The following PTCRA variants were observed in gnomAD, a reference collection of about 807,000 sequenced individuals.
PTCRA encodes the protein pre T-cell antigen receptor alpha.
Under a neutral mutation model 13.4 loss-of-function variants are expected in PTCRA, and 9 were observed. The observed-to-expected ratio is 0.67, with a 90% CI of 0.41 to 1.18. The LOEUF is 1.18. Ranked by LOEUF, PTCRA falls within the 50% of genes most tolerant of loss-of-function variation. The probability of loss-of-function intolerance (pLI) is 0.01; values close to 1 mark genes in which losing one functional copy is unlikely to be tolerated. For synonymous variants in PTCRA, 153 were observed against 161.9 expected (o/e 0.94, Z 0.42); for missense variants, 353 against 359.8 (o/e 0.98, Z 0.15).
chr6:42,923,443 A>C (rs182936055), intron 2 of PTCRA, 96 bp downstream of exon 2: 260 of 1,223,850 alleles, frequency 2.1e-4, no homozygotes, highest in Non-Finnish European at 2.9e-4. Context: ...CCACAAAGGC[A>C]TGAAGGGTGT....
chr6:42,925,798 T>C lies in PTCRA; in HGVS notation c.*116T>C. 1.7e-6 allele frequency: 1 copy of C among 587,566 alleles called. No individual in the cohort carries two copies. The highest frequency in any genetic ancestry group is 2.9e-6 in the Non-Finnish European group (1 of 348,772). 36.4% of individuals were successfully genotyped at this position (587,566 alleles called of 1,614,324 possible). A position where few individuals can be genotyped will look rare whatever the true frequency, so the allele number is the denominator to read the frequency against. On this transcript the variant is annotated 3_prime_UTR_variant, in exon 4 of 4. Transcript: ENST00000304672. The surrounding 1 kb of genome is among the most constrained non-coding windows in gnomAD (Gnocchi z 4.4). Reference sequence around the variant, plus strand: ...GTTACAGGGGCATTTAGGGAGCAGATGACTGAGAACATTAAAAAAGAACTT... The same window carrying C: ...GTTACAGGGGCATTTAGGGAGCAGACGACTGAGAACATTAAAAAAGAACTT...
Position 42,925,380 on chromosome 6 carries a change from C to T in PTCRA, c.544C>T (p.Pro182Ser). ...CGACCCCGCGGGCCCGCTGCCTTCC[C>T]CCGCAACCACCACCCGCCTGCGAGC... Reference protein sequence around the residue: ...LCDPAGPLPSPATTTRLRALG... With the variant: ...LCDPAGPLPSSATTTRLRALG... Residue 182 changes from proline to serine, a missense_variant, in exon 4 of 4, where the codon CCC (proline) becomes TCC (serine). By Grantham distance (74) the Pro-to-Ser change is moderately conservative. Transcript: ENST00000304672. The surrounding 1 kb of genome is among the most constrained non-coding windows in gnomAD (Gnocchi z 4.4). 5.8e-6 allele frequency: 9 copies of T among 1,555,008 alleles called. No homozygotes were observed. Among genetic ancestry groups the T allele is most frequent in the Non-Finnish European group, 7.8e-6 (9 of 1,149,388 alleles).
chr6:42,920,423 CTTTTAT>C (rs1241776652), intron 1 of PTCRA, among the ~76,000 whole-genome samples: 2 of 151,496 alleles, frequency 1.3e-5, no homozygotes, highest in Admixed American at 6.6e-5. Context: ...TTAGTTCTTT[CTTTTAT>C]TTTTATTTTT....
In PTCRA at chr6:42,925,704, G is replaced by A. The variant is rs1011238630; in HGVS notation, c.*22G>A. ...CTGAGGGCAGGGCTCTACCTCCCCT[G>A]CGTCACACTGTGTGAGGCTGTGTCT... On this transcript the variant is annotated 3_prime_UTR_variant, in exon 4 of 4. Coordinates refer to ENST00000304672, the MANE Select transcript of PTCRA (RefSeq NM_138296.3). The surrounding 1 kb of genome is among the most constrained non-coding windows in gnomAD (Gnocchi z 4.4). 2 of 1,470,970 alleles carry A rather than the reference G, an allele frequency of 1.4e-6. No homozygotes were observed. The highest frequency in any genetic ancestry group is 1.8e-6 in the Non-Finnish European group (2 of 1,096,056). 91.1% of individuals were successfully genotyped at this position (1,470,970 alleles called of 1,614,324 possible).
intron 1 of PTCRA, among the ~76,000 whole-genome samples, chr6:42,917,469 G>T (rs925139374): frequency 1.0e-4 from 15 of 147,368 alleles, no homozygotes; most frequent in Non-Finnish European, 1.8e-4. Context: ...TGATCCGCCC[G>T]CCTCAGCCTC....
chr6:42,920,014 C>T (rs1035782879), intron 1 of PTCRA, among the ~76,000 whole-genome samples: 1 of 148,436 alleles, frequency 6.7e-6, no homozygotes, highest in African/African-American at 2.6e-5. Flanking sequence ...AGAGCTAGAC[C>T]CTGTCTCAAA....
chr6:42,923,438 A>G (rs929782008), intron 2 of PTCRA, 91 bp downstream of exon 2: 26 of 1,259,662 alleles, frequency 2.1e-5, no homozygotes, highest in Middle Eastern at 2.6e-4. Flanking sequence ...CCAGGCCACA[A>G]AGGCATGAAG....
Position 42,923,178 on chromosome 6 carries a change from A to C in PTCRA, c.210A>C (p.Ala70=). 1.2e-6 allele frequency: 2 copies of C among 1,614,224 alleles called. No individual in the cohort carries two copies. Among genetic ancestry groups the C allele is most frequent in the Non-Finnish European group, 1.7e-6 (2 of 1,180,030 alleles). The change falls in exon 2 of 4, where the codon GCA becomes GCC. Residue 70 remains alanine, a synonymous_variant. Coordinates refer to ENST00000304672, the MANE Select transcript of PTCRA (RefSeq NM_138296.3). The part of the protein sequence containing the change: ...PIWFSAGNGS[A]LDAFTYGPSP... ...GGTTCTCAGCCGGCAATGGCAGTGC[A>C]CTGGATGCCTTCACCTATGGCCCTT...
At chr6:42,917,948 AAAC>A (rs1766957362) in intron 1 of PTCRA, among the ~76,000 whole-genome samples, 1 of 152,230 alleles carries the variant, frequency 6.6e-6, no homozygotes, top group East Asian at 1.9e-4. Flanking sequence ...AAACAAAACA[AAAC>A]AAACAAAAAG....
At chr6:42,924,158 T>C (rs1213871630) in intron 2 of PTCRA, 71 bp from the exon 3 acceptor site, 1 of 1,360,898 alleles carries the variant, frequency 7.3e-7, no homozygotes, top group East Asian at 2.4e-5. Context: ...GGCCTGGGCA[T>C]AGCACTGGGG....
At position 42,922,387 on chromosome 6, in the gene PTCRA, A is replaced by G; in HGVS notation, c.59-640A>G. ...TGGAACAGAAAGGGGCTCGGATATC[A>G]TAGACAAGTGGATGGAAGGAGAGGT... On this transcript the variant is annotated intron_variant, in intron 1 of 3. Coordinates refer to ENST00000304672, the MANE Select transcript of PTCRA (RefSeq NM_138296.3). 4 of 617,938 alleles carry G rather than the reference A, an allele frequency of 6.5e-6. No individual in the cohort carries two copies. The South Asian group carries it at 7.5e-5, about 12-fold the overall frequency. 38.3% of individuals were successfully genotyped at this position (617,938 alleles called of 1,614,324 possible).
At chr6:42,922,512 G>A (rs1472270969) in intron 1 of PTCRA, among the ~76,000 whole-genome samples, 16 of 152,128 alleles carry the variant, frequency 1.1e-4, no homozygotes, top group Admixed American at 9.2e-4. Context: ...ACTTTGGGAG[G>A]ACGAGGCGGG....
chr6:42,924,457 A>C (rs1767330820), intron 3 of PTCRA, 184 bp downstream of exon 3: 2 of 652,110 alleles, frequency 3.1e-6, no homozygotes, highest in Admixed American at 5.8e-5. Context: ...CTAGCATAAG[A>C]TGGGGGTGAA....
chr6:42,921,668 G>A (rs1440333313), intron 1 of PTCRA, among the ~76,000 whole-genome samples: 3 of 146,922 alleles, frequency 2.0e-5, no homozygotes, highest in Non-Finnish European at 4.5e-5. Flanking sequence ...TGCCCACCTT[G>A]GCCTCCCGAA....
At chr6:42,918,917 G>A (rs539804670) in intron 1 of PTCRA, among the ~76,000 whole-genome samples, 20 of 151,638 alleles carry the variant, frequency 1.3e-4, no homozygotes, top group African/African-American at 4.8e-4. Flanking sequence ...AGCCTCCCGA[G>A]TAGCTGGGAC....
At position 42,921,412 on chromosome 6, in the gene PTCRA, C is replaced by CT. The variant is rs59029514; in HGVS notation, c.59-1591dup. On this transcript the variant is annotated intron_variant, in intron 1 of 3. Transcript: ENST00000304672. ...CCACCGCACCCAGCCAACAAAGCTT[C>CT]TTTTTTTTTTTTTTTTTTTTTTTTG... Among the ~76,000 whole-genome samples the CT allele has an allele frequency of 8.7e-3, 741 of 85,644 alleles. 14 individuals carry two copies. The highest frequency in any genetic ancestry group is 0.02 in the African/African-American group (366 of 18,080). 56.2% of individuals were successfully genotyped at this position (85,644 alleles called of 152,430 possible).
chr6:42,920,019 C>A (rs1171334904), intron 1 of PTCRA, among the ~76,000 whole-genome samples: 1 of 148,094 alleles, frequency 6.8e-6, no homozygotes, highest in East Asian at 2.0e-4. Flanking sequence ...TAGACCCTGT[C>A]TCAAAAAATA....
In PTCRA at chr6:42,925,126, C is replaced by A; in HGVS notation, c.425-135C>A. On this transcript the variant is annotated intron_variant, in intron 3 of 3. Coordinates refer to ENST00000304672, the MANE Select transcript of PTCRA (RefSeq NM_138296.3). The surrounding 1 kb of genome is among the most constrained non-coding windows in gnomAD (Gnocchi z 4.4). ...ATTACCAGTAAGAACGGAGGCTAGA[C>A]ACCGGGAAGGACTTTCCCTGGAGGA... is the stretch of plus-strand genomic sequence containing the variant. 1 of 1,175,898 alleles carries A rather than the reference C, an allele frequency of 8.5e-7. No individual in the cohort carries two copies. 72.8% of individuals were successfully genotyped at this position (1,175,898 alleles called of 1,614,324 possible).
chr6:42,919,157 G>A (rs957412681), intron 1 of PTCRA, among the ~76,000 whole-genome samples: 1 of 151,580 alleles, frequency 6.6e-6, no homozygotes, highest in African/African-American at 2.4e-5. Flanking sequence ...CACCACGCCC[G>A]GCTAATTTTT....
Sources: gnomAD v4.1 joint callset for allele counts (sites outside exome capture counted in the v4.1 genomes callset) on GRCh38, gnomAD v4.1.1 for gene constraint, Gnocchi (gnomAD v3.1) non-coding constraint, MANE v1.5 for transcripts, NCBI Gene and HGNC (gene_info 2026-07-23, HGNC 2026-07-21) for gene names.